The following NKTR variants were observed in gnomAD, a reference collection of about 807,000 sequenced individuals.
NKTR encodes NK-tumor recognition protein.
A neutral mutation model predicts 156.3 loss-of-function variants in NKTR; 67 were observed. The ratio of observed to expected loss-of-function variants is 0.43; its 90% CI spans 0.35 to 0.53. NKTR has a LOEUF of 0.53. Ranked by LOEUF, NKTR falls within the 20% of genes least tolerant of loss-of-function variation. NKTR has a pLI of 0.01. For synonymous variants in NKTR, 640 were observed against 596.6 expected (o/e 1.07, Z -1.06); for missense variants, 1,604 against 1,730.9 (o/e 0.93, Z 1.30).
intron 6 of NKTR, chr3:42,627,197 CAGAA>C: frequency 2.0e-6 from 2 of 982,900 alleles, no homozygotes; most frequent in Non-Finnish European, 2.4e-6. Flanking sequence ...GTAAAATTTA[CAGAA>C]AGAGTGTTAC....
At position 42,638,778 on chromosome 3, in the gene NKTR, A is replaced by G; in HGVS notation, c.3074A>G (p.Glu1025Gly). 1 of 1,609,850 alleles carries G rather than the reference A, an allele frequency of 6.2e-7. No individual in the cohort carries two copies. The highest frequency in any genetic ancestry group is 1.3e-5 in the African/African-American group (1 of 74,884). The change falls in exon 13 of 17, where the codon GAG (glutamate) becomes GGG (glycine). Residue 1025 changes from glutamate (E) to glycine (G), a missense_variant. Transcript: ENST00000232978. ...HWQPPLEFGE[E>G]EEEEIDDKQV... Reference sequence around the variant, plus strand: ...CAGCCTCCACTAGAATTTGGTGAAGAGGAGGAGGAGGAGATTGATGACAAG... The same window carrying G: ...CAGCCTCCACTAGAATTTGGTGAAGGGGAGGAGGAGGAGATTGATGACAAG...
At chr3:42,634,171 T>A (rs908454473) in intron 10 of NKTR, among the ~76,000 whole-genome samples, 2 of 152,226 alleles carry the variant, frequency 1.3e-5, no homozygotes, top group African/African-American at 4.8e-5. Context: ...GAGATACAAT[T>A]TAGTATCATA....
intron 2 of NKTR, among the ~76,000 whole-genome samples, chr3:42,603,744 T>C (rs1705864287): frequency 6.6e-6 from 1 of 150,922 alleles, no homozygotes; most frequent in Admixed American, 6.6e-5. Context: ...TTTTTTTTTT[T>C]TTTTTTTTTG....
chr3:42,630,746 C>G (rs181743102), intron 7 of NKTR, 171 bp downstream of exon 7: 3 of 1,412,482 alleles, frequency 2.1e-6, no homozygotes, highest in Admixed American at 6.1e-5. Flanking sequence ...CCCCATGGCT[C>G]TCATGTGACT....
chr3:42,621,345 C>A, intron 5 of NKTR, 84 bp from the exon 6 acceptor site: 1 of 1,497,866 alleles, frequency 6.7e-7, no homozygotes, highest in Non-Finnish European at 8.9e-7. Flanking sequence ...GGAATTTCAT[C>A]TTTTGCTTTC....
Position 42,638,604 on chromosome 3 carries a change from C to G in NKTR, c.2900C>G (p.Ser967Trp), listed in dbSNP as rs1709622101. 1 of 1,613,638 alleles carries G rather than the reference C, an allele frequency of 6.2e-7. No homozygotes were observed. The highest frequency in any genetic ancestry group is 8.5e-7 in the Non-Finnish European group (1 of 1,179,948). The change falls in exon 13 of 17, where the codon TCG becomes TGG. Residue 967 changes from serine (S) to tryptophan (W), a missense_variant. Physicochemically the swap from Ser to Trp is radical, Grantham distance 177. Around this residue, in one of 6 missense-constraint regions of NKTR, gnomAD observed 1,255 missense variants for 1,243.7 expected, o/e 1.01. Coordinates refer to ENST00000232978, the MANE Select transcript of NKTR (RefSeq NM_005385.4). ...TSDSEGSCSN[S>W]ENNRGKPQKH... Reference sequence around the variant, plus strand: ...GACTCTGAGGGGTCCTGTTCCAATTCGGAAAACAATAGGGGAAAGCCACAA... The same window carrying G: ...GACTCTGAGGGGTCCTGTTCCAATTGGGAAAACAATAGGGGAAAGCCACAA...
chr3:42,639,833 A>C (rs1054302417), intron 13 of NKTR, 83 bp downstream of exon 13: 3 of 946,150 alleles, frequency 3.2e-6, no homozygotes, highest in Non-Finnish European at 4.9e-6. Context: ...TTAGGGACAG[A>C]ATCACTATTT....
At chr3:42,604,379 C>CT (rs34258304) in intron 2 of NKTR, among the ~76,000 whole-genome samples, 58 of 147,584 alleles carry the variant, frequency 3.9e-4, no homozygotes, top group African/African-American at 1.1e-3. Context: ...GATTTGATAC[C>CT]TTTTTTTTTT....
intron 6 of NKTR, chr3:42,629,732 G>A: frequency 2.0e-6 from 2 of 984,902 alleles, no homozygotes; most frequent in Non-Finnish European, 2.4e-6. Flanking sequence ...TTCATATAAT[G>A]TGAAGATCTG....
At chr3:42,624,706 T>G (rs1392429307) in intron 6 of NKTR, among the ~76,000 whole-genome samples, 1 of 152,144 alleles carries the variant, frequency 6.6e-6, no homozygotes, top group Non-Finnish European at 1.5e-5. Context: ...AAGCTCAAAA[T>G]TTTATTAACC....
chr3:42,615,111 C>T (rs1221442191), intron 2 of NKTR, among the ~76,000 whole-genome samples: 1 of 149,552 alleles, frequency 6.7e-6, no homozygotes. Flanking sequence ...TGGAATCTTA[C>T]TGTGTCGCGC....
In NKTR at chr3:42,621,476, G is replaced by A; in HGVS notation, c.334G>A (p.Ala112Thr). The change falls in exon 6 of 17, where the codon GCA (alanine) becomes ACA (threonine). Residue 112 changes from alanine to threonine, a missense_variant. This residue lies in a region of NKTR where 61 missense variants were observed against 113.3 expected (regional missense o/e 0.54). Coordinates refer to ENST00000232978, the MANE Select transcript of NKTR (RefSeq NM_005385.4). ...TGACAGAGCGTTCCTTTTATCAATGGCAAATCGAGGGAAACATACCAATGG... is the reference window on the plus strand; with the variant it reads ...TGACAGAGCGTTCCTTTTATCAATGACAAATCGAGGGAAACATACCAATGG... ...KHDRAFLLSM[A>T]NRGKHTNGSQ... 1 of 1,608,472 alleles carries A rather than the reference G, an allele frequency of 6.2e-7. No individual in the cohort carries two copies. The highest frequency in any genetic ancestry group is 1.1e-5 in the South Asian group (1 of 90,426).
chr3:42,627,588 T>G, intron 6 of NKTR: 1 of 985,196 alleles, frequency 1.0e-6, no homozygotes, highest in Non-Finnish European at 1.2e-6. Context: ...CAGTGACACT[T>G]GTCAATTTCT....
rs1367152883 is a variant in NKTR at position 42,638,114 on chromosome 3, T to C, written c.2410T>C (p.Ser804Pro). The change falls in exon 13 of 17, where the codon TCT (serine) becomes CCT (proline). Residue 804 changes from serine to proline, a missense_variant. By Grantham distance (74) the Ser-to-Pro change is moderately conservative (BLOSUM62 -1). Transcript: ENST00000232978. Reference protein sequence around the residue: ...CVRKYSESRSSLDYSSDSEQS... With the variant: ...CVRKYSESRSPLDYSSDSEQS... ...GAGAAAGTATAGCGAGAGCAGATCA[T>C]CTTTAGATTATTCTTCAGACAGTGA... 1 of 1,613,966 alleles carries C rather than the reference T, an allele frequency of 6.2e-7. No homozygotes were observed. Among genetic ancestry groups the C allele is most frequent in the South Asian group, 1.1e-5 (1 of 91,058 alleles).
intron 7 of NKTR, 40 bp downstream of exon 7, chr3:42,630,615 G>A: frequency 6.2e-7 from 1 of 1,612,698 alleles, no homozygotes; most frequent in Non-Finnish European, 8.5e-7. Flanking sequence ...AAGTGTTTGG[G>A]TGGCCAGCCA....
intron 2 of NKTR, among the ~76,000 whole-genome samples, chr3:42,615,147 C>G (rs1460942664): frequency 6.6e-6 from 1 of 151,350 alleles, no homozygotes; most frequent in Non-Finnish European, 1.5e-5. Context: ...GATGCAACCT[C>G]AGCTCACTGC....
Position 42,618,207 on chromosome 3 carries a change from C to T in NKTR, c.133+563C>T, listed in dbSNP as rs575174169. The stretch of plus-strand genomic sequence containing the variant: ...CTCTACTAAAAATACAAAAATTAGC[C>T]GGGCGTAGTGGCAGGCGCCTGTAAT... On this transcript the variant is annotated intron_variant, in intron 3 of 16. Coordinates refer to ENST00000232978, the MANE Select transcript of NKTR (RefSeq NM_005385.4). Among the ~76,000 whole-genome samples, 33 of 151,672 alleles carry T rather than the reference C, an allele frequency of 2.2e-4. No homozygotes were observed. The East Asian group carries it at 3.7e-3, about 17-fold the overall frequency.
chr3:42,617,945 A>G (rs1395081189), intron 3 of NKTR, among the ~76,000 whole-genome samples: 1 of 152,184 alleles, frequency 6.6e-6, no homozygotes, highest in African/African-American at 2.4e-5. Context: ...CTGATTTGGT[A>G]GAATTTTATG....
intron 4 of NKTR, 96 bp downstream of exon 4, chr3:42,619,223 A>G: frequency 6.5e-7 from 1 of 1,536,816 alleles, no homozygotes; most frequent in Admixed American, 2.4e-5. Context: ...CAGTTACAGT[A>G]TGATATAAAA....
Sources: allele counts gnomAD v4.1 joint callset (sites outside exome capture counted in the v4.1 genomes callset), GRCh38; gene constraint gnomAD v4.1.1; regional missense constraint gnomAD v4.1.1; transcripts MANE v1.5; gene names NCBI Gene and HGNC (gene_info 2026-07-23, HGNC 2026-07-21).